The following LGI2 variants were observed in gnomAD, a reference collection of about 807,000 sequenced individuals.
LGI2 encodes the protein leucine rich repeat LGI family member 2.
In LGI2, 30 loss-of-function variants were observed where a neutral mutation model predicts 52.0. That is an observed-to-expected ratio of 0.58 (90% confidence interval 0.43 to 0.78). The LOEUF is 0.78. Among genes scored for constraint, LGI2 ranks in the 30% least tolerant of loss-of-function variants. The probability of loss-of-function intolerance (pLI) is 0.00; values close to 1 mark genes in which losing one functional copy is unlikely to be tolerated. For synonymous variants in LGI2, 270 were observed against 271.8 expected, an observed-to-expected ratio of 0.99 and a Z score of 0.06; for missense variants, 573 against 692.5, an observed-to-expected ratio of 0.83 and a Z score of 1.94.
intron 4 of LGI2, 44 bp from the exon 5 acceptor site, chr4:25,019,282 C>T: frequency 7.8e-7 from 1 of 1,276,998 alleles, no homozygotes; most frequent in South Asian, 1.2e-5. Context: ...TTATCTCATG[C>T]CCTGTCACTC....
Position 24,999,532 on chromosome 4 carries a change from G to T in LGI2, c.*3919C>A. 1 of 237,566 alleles carries T rather than the reference G, an allele frequency of 4.2e-6. No homozygotes were observed. Among genetic ancestry groups the T allele is most frequent in the South Asian group, 5.2e-5 (1 of 19,312 alleles). The allele number at this position is 237,566 out of a possible 1,614,324, so 14.7% of individuals were successfully genotyped here. On this transcript the variant is annotated 3_prime_UTR_variant, in exon 8 of 8. Transcript: ENST00000382114. The stretch of plus-strand genomic sequence containing the variant: ...CTGTTGAACAGAATCTTTGGCCGCT[G>T]CCTAATTAAAGAACTTCCTTCCGCA...
chr4:25,007,066 T>C (rs1725413025), intron 7 of LGI2, among the ~76,000 whole-genome samples: 1 of 152,234 alleles, frequency 6.6e-6, no homozygotes, highest in Non-Finnish European at 1.5e-5. Context: ...TTTTTTTCAC[T>C]TGGCGCCCAT....
rs1725229412 is a variant in LGI2 at position 25,001,150 on chromosome 4, T to G, written c.*2301A>C. On this transcript the variant is annotated 3_prime_UTR_variant, in exon 8 of 8. Transcript: ENST00000382114. The stretch of plus-strand genomic sequence containing the variant: ...TAATTCCCCATCTGGACTCAACAGC[T>G]CTCCCCATCCTAAGCCCAGCATCCT... 6.6e-6 allele frequency: 1 copy of G among 152,260 alleles called. No homozygotes were observed. The highest frequency in any genetic ancestry group is 2.4e-5 in the African/African-American group (1 of 41,444). 9.4% of individuals were successfully genotyped at this position (152,260 alleles called of 1,614,324 possible).
intron 7 of LGI2, among the ~76,000 whole-genome samples, chr4:25,009,963 T>G (rs543091859): frequency 6.6e-6 from 1 of 152,132 alleles, no homozygotes; most frequent in Admixed American, 6.5e-5. Flanking sequence ...TCACTGCCGT[T>G]TCCCCAGCAT....
intron 7 of LGI2, among the ~76,000 whole-genome samples, chr4:25,011,097 C>CA (rs531563624): frequency 6.8e-6 from 1 of 147,532 alleles, no homozygotes; most frequent in African/African-American, 2.5e-5. Context: ...AAAAAAAAAT[C>CA]AAAAAAACCA....
In LGI2 at chr4:25,000,917, A is replaced by G. The variant is rs1725222324; in HGVS notation, c.*2534T>C. ...GCAGTAAGATTAATGAAGCAAAGAT[A>G]TCACCACCCCGTGCCAAGAACATCT... is the stretch of plus-strand genomic sequence containing the variant. On this transcript the variant is annotated 3_prime_UTR_variant, in exon 8 of 8. Transcript: ENST00000382114. The G allele has an allele frequency of 2.0e-5, 3 of 152,238 alleles. No individual in the cohort carries two copies. The highest frequency in any genetic ancestry group is 2.9e-5 in the Non-Finnish European group (2 of 68,046). 9.4% of individuals were successfully genotyped at this position (152,238 alleles called of 1,614,324 possible).
In LGI2 at chr4:25,002,134, T is replaced by C. The variant is rs1245952312; in HGVS notation, c.*1317A>G. 6.6e-6 allele frequency: 1 copy of C among 152,076 alleles called. No individual in the cohort carries two copies. The highest frequency in any genetic ancestry group is 2.4e-5 in the African/African-American group (1 of 41,386). The allele number at this position is 152,076 out of a possible 1,614,324, so 9.4% of individuals were successfully genotyped here. On this transcript the variant is annotated 3_prime_UTR_variant, in exon 8 of 8. Coordinates refer to ENST00000382114, the MANE Select transcript of LGI2 (RefSeq NM_018176.4). ...TGGTCTCTTGAGCACAGACCTGGAG[T>C]GTGGGATTCAGCTTGGCTGGCTCCA...
chr4:25,019,506 A>T (rs1725883990), intron 4 of LGI2, among the ~76,000 whole-genome samples: 1 of 152,126 alleles, frequency 6.6e-6, no homozygotes, highest in Non-Finnish European at 1.5e-5. Flanking sequence ...CTGGAATCAA[A>T]GCCAAAGTTC....
At chr4:25,012,617 A>T in intron 6 of LGI2, 118 bp from the exon 7 acceptor site, 1 of 993,926 alleles carries the variant, frequency 1.0e-6, no homozygotes, top group Non-Finnish European at 1.5e-6. Flanking sequence ...GAGGAGGAGG[A>T]TAGGAGAGAT....
intron 2 of LGI2, 111 bp from the exon 3 acceptor site, chr4:25,027,050 C>G (rs1446729075): frequency 3.5e-6 from 3 of 847,476 alleles, no homozygotes; most frequent in African/African-American, 1.7e-5. Flanking sequence ...ATGAGCTCTT[C>G]TTAGCCTAAG....
At chr4:24,994,782 T>C (rs1289914241), downstream of LGI2, among the ~76,000 whole-genome samples, 1 of 152,128 alleles carries the variant, frequency 6.6e-6, no homozygotes, top group Non-Finnish European at 1.5e-5. Flanking sequence ...AGGCAGAGAA[T>C]CGGGGCTTGT....
chr4:25,023,509 G>A (rs1208448285), intron 4 of LGI2, among the ~76,000 whole-genome samples: 1 of 152,196 alleles, frequency 6.6e-6, no homozygotes, highest in Non-Finnish European at 1.5e-5. Context: ...CTCTACTTGT[G>A]GGCGTTCCAG....
At chr4:25,010,919 C>T (rs1725560616) in intron 7 of LGI2, among the ~76,000 whole-genome samples, 1 of 151,252 alleles carries the variant, frequency 6.6e-6, no homozygotes, top group Non-Finnish European at 1.5e-5. Context: ...CCTGTCTCTA[C>T]AAAAAACAAA....
At chr4:25,012,018 G>A (rs564446069) in intron 7 of LGI2, among the ~76,000 whole-genome samples, 44 of 152,194 alleles carry the variant, frequency 2.9e-4, no homozygotes, top group African/African-American at 1.0e-3. Context: ...GTGCAGACTT[G>A]GGCTCCCATA....
At chr4:25,016,476 G>A (rs1307773566) in intron 6 of LGI2, among the ~76,000 whole-genome samples, 2 of 152,190 alleles carry the variant, frequency 1.3e-5, no homozygotes, top group South Asian at 2.1e-4. Context: ...AAATGTTATC[G>A]ACTACGACCT....
rs1372334628 is a variant in LGI2, at chr4:25,004,132, C to T, written c.957G>A (p.Glu319=). Residue 319 remains glutamate (E), a synonymous_variant, in exon 8 of 8, where the codon GAG becomes GAA. Coordinates refer to ENST00000382114, the MANE Select transcript of LGI2 (RefSeq NM_018176.4). The surrounding 1 kb of genome is among the most constrained non-coding windows in gnomAD (Gnocchi z 4.6). ...WTKFVKFQDI[E]VSRISKPNDI... ...CATTGGGCTTGGAAATGCGAGAGACCTCTATGTCTTGGAATTTGACAAATT... is the reference window on the plus strand; with the variant it reads ...CATTGGGCTTGGAAATGCGAGAGACTTCTATGTCTTGGAATTTGACAAATT... 2 of 1,614,124 alleles carry T rather than the reference C, an allele frequency of 1.2e-6. No homozygotes were observed. Among genetic ancestry groups the T allele is most frequent in the Admixed American group, 1.7e-5 (1 of 60,018 alleles).
At position 25,028,593 on chromosome 4, in the gene LGI2, T is replaced by C. The variant is rs201190709; in HGVS notation, c.198-15A>G. 56 of 1,607,990 alleles carry C rather than the reference T, an allele frequency of 3.5e-5. No individual in the cohort carries two copies. The highest frequency in any genetic ancestry group is 4.3e-5 in the Non-Finnish European group (51 of 1,177,098). ...TTACCAGGCTCCTACGGGCAAAAGA[T>C]GAACAAAAGTAGGCCTAGGTTTCTT... On this transcript the variant is annotated splice_polypyrimidine_tract_variant and intron_variant, in intron 1 of 7. Transcript: ENST00000382114.
intron 4 of LGI2, among the ~76,000 whole-genome samples, chr4:25,021,385 T>C (rs1725953318): frequency 6.6e-6 from 1 of 152,232 alleles, no homozygotes; most frequent in Non-Finnish European, 1.5e-5. Flanking sequence ...ACCTGATCTA[T>C]GTCTCTTTTC....
At chr4:25,024,936 G>C in intron 3 of LGI2, 45 bp from the exon 4 acceptor site, 1 of 1,296,570 alleles carries the variant, frequency 7.7e-7, no homozygotes, top group Non-Finnish European at 1.1e-6. Context: ...TCTCTCCTTA[G>C]TATCCCAAAA....
Sources: gnomAD v4.1 joint callset for allele counts (sites outside exome capture counted in the v4.1 genomes callset) on GRCh38, gnomAD v4.1.1 for gene constraint, Gnocchi (gnomAD v3.1) non-coding constraint, MANE v1.5 for transcripts, NCBI Gene and HGNC (gene_info 2026-07-23, HGNC 2026-07-21) for gene names.